AMPH: variants seen among roughly 807,000 people sequenced by gnomAD.
The protein encoded by AMPH is amphiphysin, also known as amphiphysin (Stiff-Mann syndrome with breast cancer 128kD autoantigen).
In AMPH, 49 loss-of-function variants were observed where a neutral mutation model predicts 99.1. That is an observed-to-expected ratio of 0.49 (90% CI 0.39 to 0.63). The LOEUF is 0.63. Among genes scored for constraint, AMPH ranks in the 20% least tolerant of loss-of-function variants. The probability of loss-of-function intolerance (pLI) is 0.00; values close to 1 mark genes in which losing one functional copy is unlikely to be tolerated. For missense variants in AMPH, 759 were observed against 863.4 expected, an observed-to-expected ratio of 0.88 and a Z score of 1.52; for synonymous variants, 314 against 317.3, an observed-to-expected ratio of 0.99 and a Z score of 0.11.
At chr7:38,628,923 T>C (rs1794357167) in intron 1 of AMPH, among the ~76,000 whole-genome samples, 1 of 152,210 alleles carries the variant, frequency 6.6e-6, no homozygotes, top group South Asian at 2.1e-4. Flanking sequence ...AGACATGCAG[T>C]TGGAGCCTAA....
chr7:38,619,351 C>T (rs28578669), intron 1 of AMPH, among the ~76,000 whole-genome samples: 12,206 of 152,134 alleles, frequency 0.08, 808 homozygotes, highest in African/African-American at 0.17. Flanking sequence ...ATGAAGTAGA[C>T]GTAACAAATG....
At chr7:38,494,101 C>G (rs1303087314) in intron 4 of AMPH, among the ~76,000 whole-genome samples, 2 of 152,130 alleles carry the variant, frequency 1.3e-5, no homozygotes, top group South Asian at 4.1e-4. Context: ...AGATTACAGG[C>G]GTGTGCCACC....
intron 1 of AMPH, among the ~76,000 whole-genome samples, chr7:38,587,018 C>T (rs925121323): frequency 2.9e-4 from 43 of 148,162 alleles, no homozygotes; most frequent in Non-Finnish European, 5.2e-4. Context: ...TAAATACACA[C>T]ACACACACAC....
chr7:38,481,848 G>A (rs1223343779), intron 5 of AMPH, among the ~76,000 whole-genome samples: 1 of 151,990 alleles, frequency 6.6e-6, no homozygotes, highest in Non-Finnish European at 1.5e-5. Flanking sequence ...ATACTCCACC[G>A]AGTATTCTAC....
intron 1 of AMPH, among the ~76,000 whole-genome samples, chr7:38,552,960 A>C (rs1791231726): frequency 6.6e-6 from 1 of 152,186 alleles, no homozygotes; most frequent in Non-Finnish European, 1.5e-5. Flanking sequence ...CCCTGTGCCC[A>C]GGGGAACGGA....
intron 1 of AMPH, among the ~76,000 whole-genome samples, chr7:38,545,108 A>T (rs1030696597): frequency 2.6e-5 from 4 of 152,212 alleles, no homozygotes; most frequent in Non-Finnish European, 5.9e-5. Context: ...AGAACCATAC[A>T]TGTGCCAGCA....
At chr7:38,525,301 GA>G (rs1790136995) in intron 2 of AMPH, among the ~76,000 whole-genome samples, 2 of 147,382 alleles carry the variant, frequency 1.4e-5, no homozygotes, top group Admixed American at 1.4e-4. Flanking sequence ...GAGAGAGAGA[GA>G]GAGAGAGAGA....
chr7:38,618,511 C>CA (rs200287871), intron 1 of AMPH, among the ~76,000 whole-genome samples: 23,960 of 149,482 alleles, frequency 0.16, 2,286 homozygotes, highest in South Asian at 0.22. Flanking sequence ...GACTCTGTCT[C>CA]AAAAAAAAAG....
intron 1 of AMPH, among the ~76,000 whole-genome samples, chr7:38,628,327 T>C (rs915841331): frequency 1.3e-5 from 2 of 152,240 alleles, no homozygotes; most frequent in Non-Finnish European, 2.9e-5. Context: ...TGTAAATTGG[T>C]ACACCTTTCT....
chr7:38,455,290 C>T (rs530895021), intron 11 of AMPH, among the ~76,000 whole-genome samples: 71 of 152,194 alleles, frequency 4.7e-4, no homozygotes, highest in African/African-American at 1.5e-3. Context: ...AGACTTGTCT[C>T]GAACTCCTGA....
chr7:38,389,650 G>A (rs763378314), intron 20 of AMPH, among the ~76,000 whole-genome samples, 154 bp downstream of exon 20: 13 of 152,298 alleles, frequency 8.5e-5, no homozygotes, highest in Non-Finnish European at 1.6e-4. Context: ...TAGAAACCTC[G>A]TTAATGATCT....
chr7:38,450,102 C>T (rs531339611), intron 11 of AMPH, among the ~76,000 whole-genome samples: 10 of 152,180 alleles, frequency 6.6e-5, no homozygotes, highest in Non-Finnish European at 1.2e-4. Flanking sequence ...GATTGAAAGG[C>T]TGTGCTCATG....
intron 1 of AMPH, among the ~76,000 whole-genome samples, chr7:38,595,025 C>A (rs1234272602): frequency 6.6e-6 from 1 of 152,152 alleles, no homozygotes; most frequent in Admixed American, 6.5e-5. Context: ...ACACAAACAG[C>A]CTTTGCCCTC....
chr7:38,616,121 C>T (rs1336813954), intron 1 of AMPH, among the ~76,000 whole-genome samples: 2 of 152,158 alleles, frequency 1.3e-5, no homozygotes, highest in Non-Finnish European at 2.9e-5. Flanking sequence ...ATCATCTACA[C>T]AGACACCATG....
intron 2 of AMPH, among the ~76,000 whole-genome samples, chr7:38,529,773 A>G (rs1389738257): frequency 6.6e-6 from 1 of 152,272 alleles, no homozygotes; most frequent in Admixed American, 6.5e-5. Flanking sequence ...ATACATTAAT[A>G]TATTCACATC....
chr7:38,441,810 C>G lies in AMPH; in HGVS notation c.1018-5422G>C, dbSNP rs867327801. 8.8e-3 allele frequency among the ~76,000 whole-genome samples: 611 copies of G among 69,292 alleles called. 15 individuals are homozygous for G. Among genetic ancestry groups the G allele is most frequent in the Admixed American group, 0.017 (91 of 5,512 alleles). 45.5% of individuals were successfully genotyped at this position (69,292 alleles called of 152,430 possible). A position where few individuals can be genotyped will look rare whatever the true frequency, so the allele number is the denominator to read the frequency against. ...TCTGTCATATATATCATATATATAT[C>G]ATATATATCATATATCATATATATC... On this transcript the variant is annotated intron_variant, in intron 11 of 20. Coordinates refer to ENST00000356264, the MANE Select transcript of AMPH (RefSeq NM_001635.4).
chr7:38,542,229 C>T (rs1790832676), intron 1 of AMPH, among the ~76,000 whole-genome samples: 1 of 152,126 alleles, frequency 6.6e-6, no homozygotes, highest in African/African-American at 2.4e-5. Context: ...CAGTATCCAA[C>T]CCAGAGTATA....
intron 20 of AMPH, among the ~76,000 whole-genome samples, chr7:38,386,076 C>T (rs750793059): frequency 5.3e-5 from 8 of 151,610 alleles, no homozygotes; most frequent in Non-Finnish European, 8.8e-5. Flanking sequence ...ATTGATGCTG[C>T]CATATAGACA....
At chr7:38,487,863 G>A (rs1203570193) in intron 5 of AMPH, among the ~76,000 whole-genome samples, 1 of 152,174 alleles carries the variant, frequency 6.6e-6, no homozygotes, top group Non-Finnish European at 1.5e-5. Context: ...AGTGGGCAAA[G>A]GCTATGAACA....
Sources: allele counts gnomAD v4.1 joint callset (sites outside exome capture counted in the v4.1 genomes callset), GRCh38; gene constraint gnomAD v4.1.1; transcripts MANE v1.5; gene names NCBI Gene and HGNC (gene_info 2026-07-23, HGNC 2026-07-21).